The following ATG5 variants were observed in gnomAD, a reference collection of about 807,000 sequenced individuals.
ATG5 encodes the protein autophagy protein 5.
Under a neutral mutation model 36.5 loss-of-function variants are expected in ATG5, and 14 were observed. The observed-to-expected ratio is 0.38, with a 90% CI of 0.25 to 0.60. The LOEUF (loss-of-function observed/expected upper bound fraction) is 0.60, where lower values mean the gene tolerates loss of function less well. Among genes scored for constraint, ATG5 ranks in the 20% least tolerant of loss-of-function variants. The pLI is 0.60. For missense variants in ATG5, 195 were observed against 326.7 expected, an observed-to-expected ratio of 0.60 and a Z score of 3.11; for synonymous variants, 95 against 101.5, an observed-to-expected ratio of 0.94 and a Z score of 0.38.
intron 2 of ATG5, among the ~76,000 whole-genome samples, chr6:106,311,190 T>C (rs1003225086): frequency 6.6e-6 from 1 of 152,134 alleles, no homozygotes; most frequent in Non-Finnish European, 1.5e-5. Flanking sequence ...GTGTAAAGCA[T>C]CATACTAGGC....
chr6:106,238,650 T>A (rs1448867794), intron 6 of ATG5, among the ~76,000 whole-genome samples: 1 of 152,126 alleles, frequency 6.6e-6, no homozygotes, highest in Non-Finnish European at 1.5e-5. Flanking sequence ...TCCTTTCTAT[T>A]CCTGAGGCAG....
intron 7 of ATG5, chr6:106,201,760 T>C (rs1267274810): frequency 6.3e-6 from 2 of 316,360 alleles, no homozygotes; most frequent in East Asian, 1.1e-4. Flanking sequence ...TTAAAAACTG[T>C]ATTTTATTTC....
At chr6:106,322,645 C>T (rs1277904344) in intron 1 of ATG5, among the ~76,000 whole-genome samples, 1 of 152,200 alleles carries the variant, frequency 6.6e-6, no homozygotes, top group South Asian at 2.1e-4. Context: ...TCAACAGTCC[C>T]ACCCTGGGAG....
In ATG5 at chr6:106,185,400, TTGAC is replaced by T. The variant is rs1336050668; in HGVS notation, c.*1136_*1139del. 3.3e-5 allele frequency: 5 copies of T among 152,716 alleles called. No individual in the cohort carries two copies. The East Asian group carries it at 7.5e-4, about 23-fold the overall frequency. The allele number at this position is 152,716 out of a possible 1,614,324, so 9.5% of individuals were successfully genotyped here. On this transcript the variant is annotated 3_prime_UTR_variant, in exon 8 of 8. Transcript: ENST00000369076. ...AATGAAATGTAATGCACAAATATGT[TTGAC>T]TGGTAAAATCCCAGAGGCTTGGTAA...
At chr6:106,226,272 C>A (rs972850499) in intron 6 of ATG5, among the ~76,000 whole-genome samples, 6 of 152,106 alleles carry the variant, frequency 3.9e-5, no homozygotes, top group Non-Finnish European at 7.3e-5. Context: ...AGAATTAGTT[C>A]AGGAAAGAAA....
chr6:106,291,036 TCAACAACCACA>T (rs1345186099), intron 4 of ATG5, among the ~76,000 whole-genome samples: 3 of 152,210 alleles, frequency 2.0e-5, no homozygotes, highest in Admixed American at 1.3e-4. Context: ...TAACAAAGTC[TCAACAACCACA>T]GTTTGTCTGT....
chr6:106,297,522 T>A (rs546837949), intron 3 of ATG5, among the ~76,000 whole-genome samples: 1 of 152,126 alleles, frequency 6.6e-6, no homozygotes, highest in African/African-American at 2.4e-5. Context: ...CAGAGGTATA[T>A]TTGAATGTAT....
chr6:106,280,732 G>A (rs951873272), intron 4 of ATG5, among the ~76,000 whole-genome samples: 9 of 152,034 alleles, frequency 5.9e-5, no homozygotes, highest in Non-Finnish European at 1.0e-4. Context: ...AACACTTGAG[G>A]TAAACATTAT....
chr6:106,322,424 G>A (rs1471717841), intron 1 of ATG5, among the ~76,000 whole-genome samples: 1 of 152,092 alleles, frequency 6.6e-6, no homozygotes, highest in Non-Finnish European at 1.5e-5. Context: ...ATCTATGCTG[G>A]CTGGTCTTCC....
intron 5 of ATG5, among the ~76,000 whole-genome samples, chr6:106,255,678 A>G (rs1348920426): frequency 2.0e-5 from 3 of 152,192 alleles, no homozygotes; most frequent in Non-Finnish European, 4.4e-5. Flanking sequence ...AAAAAGATTC[A>G]AAACTCAAAA....
At chr6:106,321,802 C>CCCCA (rs1419064426) in intron 1 of ATG5, among the ~76,000 whole-genome samples, 2 of 152,162 alleles carry the variant, frequency 1.3e-5, no homozygotes, top group Non-Finnish European at 2.9e-5. Context: ...TCCTGCCCCT[C>CCCCA]CCCACATTGA....
Position 106,279,670 on chromosome 6 carries a change from A to G in ATG5, c.469T>C (p.Leu157=). 6.3e-7 allele frequency: 1 copy of G among 1,593,374 alleles called. No individual in the cohort carries two copies. The highest frequency in any genetic ancestry group is 8.5e-7 in the Non-Finnish European group (1 of 1,171,578). The change falls in exon 5 of 8, where the codon TTG becomes CTG. Residue 157 remains leucine (L), a synonymous_variant. Coordinates refer to ENST00000369076, the MANE Select transcript of ATG5 (RefSeq NM_004849.4). The part of the protein sequence containing the change: ...KKDHKQLWMG[L]QNDRFDQFWA... ...ACACTATTATACTTACCATTTTGCAATCCCATCCAGAGTTGCTTGTGATCT... is the reference window on the plus strand; with the variant it reads ...ACACTATTATACTTACCATTTTGCAGTCCCATCCAGAGTTGCTTGTGATCT...
intron 5 of ATG5, among the ~76,000 whole-genome samples, chr6:106,258,524 AC>A (rs1213840220): frequency 6.6e-6 from 1 of 152,082 alleles, no homozygotes; most frequent in Non-Finnish European, 1.5e-5. Flanking sequence ...AATTTAAAAA[AC>A]CCTAGGATTT....
chr6:106,290,221 T>A (rs558784506), intron 4 of ATG5, among the ~76,000 whole-genome samples: 127 of 148,280 alleles, frequency 8.6e-4, no homozygotes, highest in African/African-American at 3.0e-3. Flanking sequence ...TTATTTATTT[T>A]ATATATTTTA....
intron 5 of ATG5, 143 bp from the exon 6 acceptor site, chr6:106,248,387 T>A (rs1319759733): frequency 3.6e-6 from 2 of 551,562 alleles, no homozygotes; most frequent in Non-Finnish European, 6.2e-6. Context: ...ATTAAACTTA[T>A]CTTTCCATAA....
rs1769979 is a variant in ATG5, at chr6:106,319,080, A to C, written c.-58-2814T>G. 6.7e-3 allele frequency among the ~76,000 whole-genome samples: 1,025 copies of C among 152,304 alleles called. 19 individuals are homozygous for C. The highest frequency in any genetic ancestry group is 0.023 in the African/African-American group (950 of 41,560). On this transcript the variant is annotated intron_variant, in intron 1 of 7. Coordinates refer to ENST00000369076, the MANE Select transcript of ATG5 (RefSeq NM_004849.4). ...CAGTGTAACCTCAAGTAAGTCATTT[A>C]ACTTCTCTATTTCTGTTTTCTCATC...
chr6:106,297,286 A>G (rs2763219), intron 3 of ATG5, among the ~76,000 whole-genome samples: 54,930 of 152,034 alleles, frequency 0.36, 10,162 homozygotes, highest in Admixed American at 0.49. Flanking sequence ...ATTTGATAGT[A>G]GGCAAATGCA....
At chr6:106,241,398 A>C (rs1778118149) in intron 6 of ATG5, among the ~76,000 whole-genome samples, 1 of 152,232 alleles carries the variant, frequency 6.6e-6, no homozygotes, top group Non-Finnish European at 1.5e-5. Flanking sequence ...GTTGGTGGGA[A>C]TGTAAAGTGG....
chr6:106,227,576 A>G (rs2114449186), intron 6 of ATG5, among the ~76,000 whole-genome samples: 1 of 152,210 alleles, frequency 6.6e-6, no homozygotes, highest in African/African-American at 2.4e-5. Context: ...TGCAGTGGAG[A>G]CCCTGTCTCT....
Sources: gnomAD v4.1 joint callset for allele counts (sites outside exome capture counted in the v4.1 genomes callset) on GRCh38, gnomAD v4.1.1 for gene constraint, MANE v1.5 for transcripts, NCBI Gene and HGNC (gene_info 2026-07-23, HGNC 2026-07-21) for gene names.